The following TRMT11 variants were observed in gnomAD, a reference collection of about 807,000 sequenced individuals.
TRMT11 encodes tRNA (guanine(10)-N(2))-methyltransferase TRMT11.
In TRMT11, 53 loss-of-function variants were observed where a neutral mutation model predicts 62.8. The observed-to-expected ratio is 0.84, with a 90% CI of 0.68 to 1.06. The LOEUF (loss-of-function observed/expected upper bound fraction) is 1.06, where lower values mean the gene tolerates loss of function less well. Among genes scored for constraint, TRMT11 ranks in the 50% least tolerant of loss-of-function variants. The pLI is 0.00. For missense variants in TRMT11, 556 were observed against 553.4 expected (o/e 1.00, Z -0.05); for synonymous variants, 188 against 190.3 (o/e 0.99, Z 0.10).
upstream of TRMT11, among the ~76,000 whole-genome samples, chr6:126,176,202 G>A (rs1778382704): frequency 6.6e-6 from 1 of 152,166 alleles, no homozygotes; most frequent in African/African-American, 2.4e-5. Flanking sequence ...GAAAGGCAAA[G>A]GCCACAGTGA....
chr6:126,033,441 A>G (rs992619633), intron 12 of TRMT11, among the ~76,000 whole-genome samples: 2 of 152,172 alleles, frequency 1.3e-5, no homozygotes, highest in African/African-American at 4.8e-5. Flanking sequence ...TTTTTGATAT[A>G]TAGTTGTAAA....
chr6:126,146,338 T>C (rs1478119040), intron 21 of TRMT11, among the ~76,000 whole-genome samples: 1 of 152,184 alleles, frequency 6.6e-6, no homozygotes, highest in Non-Finnish European at 1.5e-5. Flanking sequence ...ACATGTTTTG[T>C]GTGACACTCT....
At chr6:126,046,876 TA>T (rs1462553575) in intron 16 of TRMT11, among the ~76,000 whole-genome samples, 2 of 152,220 alleles carry the variant, frequency 1.3e-5, no homozygotes, top group Non-Finnish European at 2.9e-5. Context: ...TTTTCTGCCC[TA>T]TAAGTGCTAG....
the TRMT11 span, among the ~76,000 whole-genome samples, chr6:126,251,319 G>A: frequency 2.0e-5 from 3 of 151,876 alleles, no homozygotes; most frequent in South Asian, 2.1e-4. Flanking sequence ...GTGAGCCACC[G>A]CACCCGGCCC....
chr6:126,187,940 G>A (rs1169000594), intron 1 of TRMT11, among the ~76,000 whole-genome samples: 1 of 136,788 alleles, frequency 7.3e-6, no homozygotes, highest in Non-Finnish European at 1.5e-5. Flanking sequence ...GTGACCCTTA[G>A]CTCCCTACTT....
At chr6:126,151,830 CTTTCTTTCTTT>C (rs1778049432) in intron 21 of TRMT11, among the ~76,000 whole-genome samples, 6 of 112,414 alleles carry the variant, frequency 5.3e-5, no homozygotes, top group African/African-American at 2.2e-4. Flanking sequence ...TTCTTTCTTT[CTTTCTTTCTTT>C]CTTTCTTTCT....
the TRMT11 span, among the ~76,000 whole-genome samples, chr6:126,256,763 T>TGA: frequency 6.6e-6 from 1 of 152,212 alleles, no homozygotes; most frequent in Non-Finnish European, 1.5e-5. Context: ...GCTCTGGGAA[T>TGA]GAGTCCCACT....
rs1789963238 is a variant in TRMT11, at chr6:125,988,066, TGAA to T, written c.72+1450_72+1452del. ...ATTAAGGGAAAGTCGGAGGAGGCCA[TGAA>T]GAAGATGGGCAAGTGCCAGAAGGAT... On this transcript the variant is annotated intron_variant, in intron 1 of 12. Transcript: ENST00000334379. Among the ~76,000 whole-genome samples the T allele has an allele frequency of 3.3e-5, 5 of 152,238 alleles. No individual in the cohort carries two copies. In the South Asian group the frequency reaches 1.0e-3, roughly 32 times the overall value.
At chr6:126,093,609 A>ATTTTTTTTTTTTTTTTT (rs1562321359) in intron 17 of TRMT11, among the ~76,000 whole-genome samples, 5 of 91,038 alleles carry the variant, frequency 5.5e-5, no homozygotes, top group African/African-American at 3.5e-4. Flanking sequence ...ATATATATAT[A>ATTTTTTTTTTTTTTTTT]TATATATATA....
intron 17 of TRMT11, among the ~76,000 whole-genome samples, chr6:126,075,481 C>A (rs1214065612): frequency 6.6e-6 from 1 of 151,918 alleles, no homozygotes. Context: ...AGCCTCCCTC[C>A]CCCACTTATC....
At position 126,012,754 on chromosome 6, in the gene TRMT11, C is replaced by T. The variant is rs771447358; in HGVS notation, c.926-17C>T. On this transcript the variant is annotated splice_polypyrimidine_tract_variant and intron_variant, in intron 9 of 12. Coordinates refer to ENST00000334379, the MANE Select transcript of TRMT11 (RefSeq NM_001031712.3). ...GGTGACTTTTGACTATCTGTGTTAC[C>T]TTTGTTTTCTGTCTAGCTCCATATG... The T allele has an allele frequency of 1.2e-6, 2 of 1,605,216 alleles. No individual in the cohort carries two copies. Among genetic ancestry groups the T allele is most frequent in the South Asian group, 2.2e-5 (2 of 90,518 alleles).
the TRMT11 span, among the ~76,000 whole-genome samples, chr6:126,272,117 A>C: frequency 6.6e-6 from 1 of 152,214 alleles, no homozygotes; most frequent in Non-Finnish European, 1.5e-5. Flanking sequence ...ATTATGAATA[A>C]ATCCTTTAGT....
intron 17 of TRMT11, among the ~76,000 whole-genome samples, chr6:126,104,084 T>C (rs1367533380): frequency 1.3e-5 from 2 of 152,242 alleles, no homozygotes; most frequent in Admixed American, 1.3e-4. Flanking sequence ...GATTCTGATC[T>C]CCTTGTTTCA....
intron 21 of TRMT11, among the ~76,000 whole-genome samples, chr6:126,140,004 ACTT>A (rs1177991616): frequency 6.6e-6 from 1 of 152,122 alleles, no homozygotes; most frequent in Non-Finnish European, 1.5e-5. Flanking sequence ...TTAAGAAATT[ACTT>A]CTAATATTTT....
At chr6:126,147,492 A>G (rs1326525431) in intron 21 of TRMT11, among the ~76,000 whole-genome samples, 4 of 152,230 alleles carry the variant, frequency 2.6e-5, no homozygotes, top group Non-Finnish European at 5.9e-5. Context: ...ACAACATCAA[A>G]TTGCTAAGGA....
chr6:126,222,379 C>T, the TRMT11 span, among the ~76,000 whole-genome samples: 1 of 151,970 alleles, frequency 6.6e-6, no homozygotes, highest in Admixed American at 6.6e-5. Flanking sequence ...ATAAAAATAG[C>T]ATTGAATCTG....
the TRMT11 span, among the ~76,000 whole-genome samples, chr6:126,233,290 A>G: frequency 6.6e-6 from 1 of 152,166 alleles, no homozygotes; most frequent in Non-Finnish European, 1.5e-5. Flanking sequence ...TTTCTCATTC[A>G]TATAAAATCT....
downstream of TRMT11, among the ~76,000 whole-genome samples, chr6:126,041,186 A>C (rs944145865): frequency 1.3e-5 from 2 of 152,146 alleles, no homozygotes; most frequent in Admixed American, 1.3e-4. Flanking sequence ...ACAAAACAAA[A>C]AACAACAACA....
chr6:126,226,635 C>T, the TRMT11 span, among the ~76,000 whole-genome samples: 3 of 152,012 alleles, frequency 2.0e-5, no homozygotes, highest in Admixed American at 6.6e-5. Context: ...AACTCTGAAA[C>T]TACAGATAGA....
Sources: gnomAD v4.1 joint callset for allele counts (sites outside exome capture counted in the v4.1 genomes callset) on GRCh38, gnomAD v4.1.1 for gene constraint, MANE v1.5 for transcripts, NCBI Gene and HGNC (gene_info 2026-07-23, HGNC 2026-07-21) for gene names.